The following SHISAL1 variants were observed in gnomAD, a reference collection of about 807,000 sequenced individuals.
SHISAL1 encodes protein shisa-like-1.
Under a neutral mutation model 22.6 loss-of-function variants are expected in SHISAL1, and 9 were observed. The ratio of observed to expected loss-of-function variants is 0.40; its 90% CI spans 0.24 to 0.70. The LOEUF is 0.70. Ranked by LOEUF, SHISAL1 falls within the 30% of genes least tolerant of loss-of-function variation. The pLI is 0.39. For missense variants in SHISAL1, 246 were observed against 270.6 expected (o/e 0.91, Z 0.64); for synonymous variants, 119 against 115.4 (o/e 1.03, Z -0.20).
intron 2 of SHISAL1, among the ~76,000 whole-genome samples, chr22:44,299,218 T>C (rs1204158739): frequency 6.6e-6 from 1 of 152,090 alleles, no homozygotes; most frequent in Non-Finnish European, 1.5e-5. Flanking sequence ...CGAGGGACAC[T>C]CTGTTAGGAG....
chr22:44,279,853 C>T (rs1569215940), intron 4 of SHISAL1, among the ~76,000 whole-genome samples: 1 of 152,198 alleles, frequency 6.6e-6, no homozygotes, highest in Non-Finnish European at 1.5e-5. Context: ...CAGGAACTTG[C>T]TATAAATGCA....
rs531237400 is a variant in SHISAL1 at position 44,255,839 on chromosome 22, G to A, written c.*-6154C>T. On this transcript the variant is annotated intron_variant, in intron 4 of 4. Coordinates refer to ENST00000381176, the MANE Select transcript of SHISAL1 (RefSeq NM_001099294.2). ...CATTCTCTCCACTCCAATGGTAATG[G>A]TTTGTTTTGTATCAACCTGACTGGG... 1.0e-3 allele frequency among the ~76,000 whole-genome samples: 157 copies of A among 152,258 alleles called. 2 individuals carry two copies. In the South Asian group the frequency reaches 0.019, roughly 19 times the overall value.
intron 4 of SHISAL1, among the ~76,000 whole-genome samples, chr22:44,282,562 C>G (rs2055284113): frequency 6.6e-6 from 1 of 152,210 alleles, no homozygotes; most frequent in Non-Finnish European, 1.5e-5. Flanking sequence ...GCACAGGGAG[C>G]CCTGAGGAGC....
Position 44,300,190 on chromosome 22 carries a change from C to T in SHISAL1, c.67+689G>A, listed in dbSNP as rs200333086. The stretch of plus-strand genomic sequence containing the variant: ...AGAGAGATAGAGATACAGAGACAGA[C>T]ACAGACACACAGAGAGAGACAGAGA... On this transcript the variant is annotated intron_variant, in intron 2 of 4. Coordinates refer to ENST00000381176, the MANE Select transcript of SHISAL1 (RefSeq NM_001099294.2). Among the ~76,000 whole-genome samples, 5 of 151,620 alleles carry T rather than the reference C, an allele frequency of 3.3e-5. No individual in the cohort carries two copies. The East Asian group carries it at 7.8e-4, about 24-fold the overall frequency.
chr22:44,274,049 GC>G (rs368725664), intron 4 of SHISAL1, among the ~76,000 whole-genome samples: 21 of 137,324 alleles, frequency 1.5e-4, no homozygotes, highest in East Asian at 1.5e-3. Context: ...GAACCTCCCG[GC>G]CCCCCCCTCC....
the SHISAL1 span, among the ~76,000 whole-genome samples, chr22:44,325,247 G>GAAA: frequency 1.6e-5 from 2 of 126,686 alleles, no homozygotes; most frequent in African/African-American, 2.8e-5. Context: ...CGTCTCAAAA[G>GAAA]AAAAAAAAAA....
At chr22:44,277,266 G>A (rs935428638) in intron 4 of SHISAL1, among the ~76,000 whole-genome samples, 2 of 152,126 alleles carry the variant, frequency 1.3e-5, no homozygotes, top group Non-Finnish European at 2.9e-5. Flanking sequence ...GGGCCTTTCC[G>A]CGTTTCCTCT....
chr22:44,250,713 G>A (rs558329561), intron 4 of SHISAL1, among the ~76,000 whole-genome samples: 7 of 152,308 alleles, frequency 4.6e-5, no homozygotes, highest in South Asian at 4.1e-4. Context: ...AATGAAAGAC[G>A]CTCACTAACA....
At chr22:44,266,528 A>ATGGGTATGTGTGTG (rs370971639) in intron 4 of SHISAL1, among the ~76,000 whole-genome samples, 1,963 of 108,364 alleles carry the variant, frequency 0.018, 36 homozygotes, top group African/African-American at 0.027. Context: ...GCTTTGGGGT[A>ATGGGTATGTGTGTG]TGTGTGTGTG....
intron 4 of SHISAL1, among the ~76,000 whole-genome samples, chr22:44,252,865 G>T (rs950340009): frequency 2.6e-5 from 4 of 151,936 alleles, no homozygotes; most frequent in East Asian, 1.9e-4. Context: ...CGTGGTGGTG[G>T]GTGCCTGCAG....
At chr22:44,299,883 A>AAGACAGAGACAGAG (rs2055414122) in intron 2 of SHISAL1, among the ~76,000 whole-genome samples, 1 of 149,352 alleles carries the variant, frequency 6.7e-6, no homozygotes, top group Non-Finnish European at 1.5e-5. Context: ...GAGACACAGA[A>AAGACAGAGACAGAG]AGACAGAGAC....
At chr22:44,317,715 C>A (rs199614423), upstream of SHISAL1, among the ~76,000 whole-genome samples, 2 of 152,186 alleles carry the variant, frequency 1.3e-5, no homozygotes, top group Non-Finnish European at 2.9e-5. Context: ...GGAGGGCAGA[C>A]CCCCTGACAC....
Position 44,300,872 on chromosome 22 carries a change from G to T in SHISAL1, c.67+7C>A, listed in dbSNP as rs750873714. The T allele has an allele frequency of 6.2e-7, 1 of 1,613,726 alleles. No homozygotes were observed. The highest frequency in any genetic ancestry group is 1.7e-5 in the Admixed American group (1 of 60,022). ...GCCCCCGCCCCCAGCATCCACGGAGGTTTTACCTGCAGAAAACAGCAATGA... is the reference window on the plus strand; with the variant it reads ...GCCCCCGCCCCCAGCATCCACGGAGTTTTTACCTGCAGAAAACAGCAATGA... On this transcript the variant is annotated splice_region_variant and intron_variant, in intron 2 of 4. Transcript: ENST00000381176.
the SHISAL1 span, among the ~76,000 whole-genome samples, chr22:44,319,719 CCCTTCCCACCA>C: frequency 6.6e-6 from 1 of 152,226 alleles, no homozygotes; most frequent in Non-Finnish European, 1.5e-5. Context: ...GGCTCTCCTG[CCCTTCCCACCA>C]CTCCGGTCTG....
chr22:44,279,574 A>T (rs1255839291), intron 4 of SHISAL1, among the ~76,000 whole-genome samples: 1 of 152,168 alleles, frequency 6.6e-6, no homozygotes, highest in Non-Finnish European at 1.5e-5. Flanking sequence ...ACAGGGGAGG[A>T]CGAATGAGTT....
rs147571389 is a variant in SHISAL1 at position 44,253,004 on chromosome 22, T to TA, written c.*-3320dup. Among the ~76,000 whole-genome samples the TA allele has an allele frequency of 2.4e-3, 356 of 148,920 alleles. 2 individuals carry two copies. Among genetic ancestry groups the TA allele is most frequent in the African/African-American group, 7.9e-3 (317 of 40,328 alleles). ...GAGTGAGACTCCATCTTAAAAAAAA[T>TA]AAAAAAAATAAAAAAAAAGGGCAGA... On this transcript the variant is annotated intron_variant, in intron 4 of 4. Coordinates refer to ENST00000381176, the MANE Select transcript of SHISAL1 (RefSeq NM_001099294.2).
rs1302441487 is a variant in SHISAL1 at position 44,265,321 on chromosome 22, A to ACT, written c.*-15638_*-15637dup. Among the ~76,000 whole-genome samples the ACT allele has an allele frequency of 4.6e-5, 7 of 151,276 alleles. No homozygotes were observed. The East Asian group carries it at 1.4e-3, about 30-fold the overall frequency. On this transcript the variant is annotated intron_variant, in intron 4 of 4. Transcript: ENST00000381176. ...GGTTCCACCGGGCTCTGCACCTTGA[A>ACT]CTCTCTCTCCCAGAGCCCTCTTTTT... is the stretch of plus-strand genomic sequence containing the variant.
At chr22:44,258,343 G>A (rs1217497728) in intron 4 of SHISAL1, among the ~76,000 whole-genome samples, 7 of 152,142 alleles carry the variant, frequency 4.6e-5, no homozygotes, top group Admixed American at 2.6e-4. Context: ...GGGTAAATAT[G>A]CAGGACGTGC....
At chr22:44,254,539 T>G (rs1353948607) in intron 4 of SHISAL1, among the ~76,000 whole-genome samples, 1 of 152,078 alleles carries the variant, frequency 6.6e-6, no homozygotes, top group Non-Finnish European at 1.5e-5. Flanking sequence ...TAAAAAAAAT[T>G]TTTGCAGGGA....
Sources: allele counts gnomAD v4.1 joint callset (sites outside exome capture counted in the v4.1 genomes callset), GRCh38; gene constraint gnomAD v4.1.1; transcripts MANE v1.5; gene names NCBI Gene and HGNC (gene_info 2026-07-23, HGNC 2026-07-21).